The following PCDHA3 variants were observed in gnomAD, a reference collection of about 807,000 sequenced individuals.
The protein encoded by PCDHA3 is protocadherin alpha 3.
PCDHA3 carries 41 observed loss-of-function variants against 62.2 expected under a neutral mutation model. That is an observed-to-expected ratio of 0.66 (90% CI 0.51 to 0.86). The LOEUF is 0.86. PCDHA3 is among the 40% of genes least tolerant of loss of function. The probability of loss-of-function intolerance (pLI) is 0.00; values close to 1 mark genes in which losing one functional copy is unlikely to be tolerated. For missense variants in PCDHA3, 1,304 were observed against 1,241.2 expected, an observed-to-expected ratio of 1.05 and a Z score of -0.76; for synonymous variants, 640 against 555.4, an observed-to-expected ratio of 1.15 and a Z score of -2.14.
intron 1 of PCDHA3, among the ~76,000 whole-genome samples, chr5:140,897,478 G>T (rs1554187409): frequency 1.3e-5 from 2 of 151,844 alleles, no homozygotes; most frequent in African/African-American, 4.8e-5. Flanking sequence ...TGAGAATGAT[G>T]ATTTCCAATT....
chr5:140,991,019 T>G (rs1333119856), intron 3 of PCDHA3, among the ~76,000 whole-genome samples: 1 of 152,178 alleles, frequency 6.6e-6, no homozygotes, highest in Non-Finnish European at 1.5e-5. Flanking sequence ...GATAAGCACT[T>G]TACATATGTT....
At chr5:140,968,668 G>A (rs1365342675) in intron 1 of PCDHA3, 3 of 1,614,038 alleles carry the variant, frequency 1.9e-6, no homozygotes, top group African/African-American at 1.3e-5. Flanking sequence ...ACCTCTTTAA[G>A]GTAGAGCTGC....
intron 1 of PCDHA3, chr5:140,829,492 C>G (rs1770340473): frequency 1.2e-6 from 2 of 1,613,578 alleles, no homozygotes; most frequent in Non-Finnish European, 1.7e-6. Flanking sequence ...TGAAGGAGAA[C>G]AACCCGCCGG....
chr5:140,802,842 G>A lies in PCDHA3; in HGVS notation c.1645G>A (p.Val549Met), dbSNP rs782279925. ...DAGVPPLGSN[V>M]TLQVFVLDEN... ...GGGCGTGCCGCCTCTGGGCAGCAAC[G>A]TGACGCTGCAGGTGTTCGTGCTGGA... is the stretch of plus-strand genomic sequence containing the variant. Residue 549 changes from valine (V) to methionine (M), a missense_variant, in exon 1 of 4, where the codon GTG (valine) becomes ATG (methionine). Coordinates refer to ENST00000522353, the MANE Select transcript of PCDHA3 (RefSeq NM_018906.3). 1 of 1,613,724 alleles carries A rather than the reference G, an allele frequency of 6.2e-7. No individual in the cohort carries two copies. The highest frequency in any genetic ancestry group is 8.5e-7 in the Non-Finnish European group (1 of 1,179,904).
At position 140,929,318 on chromosome 5, in the gene PCDHA3, A is replaced by G. The variant is rs78197291; in HGVS notation, c.2395-49631A>G. The G allele has an allele frequency of 3.9e-4, 606 of 1,545,240 alleles. 3 individuals carry two copies. The African/African-American group carries it at 7.7e-3, about 20-fold the overall frequency. ...AGGAAAGGGGATCACGCTAATGTCA[A>G]TGCCATGGTAAGCAAATTTTATGGA... On this transcript the variant is annotated intron_variant, in intron 1 of 3. Coordinates refer to ENST00000522353, the MANE Select transcript of PCDHA3 (RefSeq NM_018906.3).
chr5:140,975,202 T>G (rs143285430), intron 1 of PCDHA3, among the ~76,000 whole-genome samples: 4 of 152,352 alleles, frequency 2.6e-5, no homozygotes, highest in African/African-American at 7.2e-5. Flanking sequence ...TCCATCTTCA[T>G]GGCTGGCACT....
intron 1 of PCDHA3, among the ~76,000 whole-genome samples, chr5:140,838,247 G>A (rs1775616810): frequency 1.3e-5 from 2 of 149,910 alleles, no homozygotes; most frequent in African/African-American, 4.9e-5. Context: ...CCAAGTAGCT[G>A]GGATTAAAGA....
In PCDHA3 at chr5:140,836,932, C is replaced by A. The variant is rs1774821723; in HGVS notation, c.2394+33341C>A. ...CACTTTTGTTTTGGGATGCGTAATA[C>A]TATAGATCAAAATCTATGGTTTATG... On this transcript the variant is annotated intron_variant, in intron 1 of 3. Coordinates refer to ENST00000522353, the MANE Select transcript of PCDHA3 (RefSeq NM_018906.3). The A allele has an allele frequency of 8.2e-6, 4 of 485,222 alleles. No homozygotes were observed. In the East Asian group the frequency reaches 1.4e-4, roughly 17 times the overall value. 30.1% of individuals were successfully genotyped at this position (485,222 alleles called of 1,614,324 possible). A position where few individuals can be genotyped will look rare whatever the true frequency, so the allele number is the denominator to read the frequency against.
At position 140,848,824 on chromosome 5, in the gene PCDHA3, T is replaced by C. The variant is rs2150421709; in HGVS notation, c.2394+45233T>C. On this transcript the variant is annotated intron_variant, in intron 1 of 3. Coordinates refer to ENST00000522353, the MANE Select transcript of PCDHA3 (RefSeq NM_018906.3). ...TGCAGCATCCACCTGGAGGTGATCG[T>C]AGACAGGCCGCTGCAGGTTTTCCAT... 7.5e-6 allele frequency: 12 copies of C among 1,590,566 alleles called. 1 individual carries two copies. In the Middle Eastern group the frequency reaches 1.4e-3, roughly 180 times the overall value.
At chr5:141,009,500 A>G (rs2098409925) in intron 3 of PCDHA3, 127 bp from the exon 4 acceptor site, 2 of 1,494,658 alleles carry the variant, frequency 1.3e-6, no homozygotes, top group Non-Finnish European at 1.8e-6. Flanking sequence ...TCAGACTTGA[A>G]CAAACAACTC....
intron 1 of PCDHA3, chr5:140,929,372 G>A: frequency 1.3e-6 from 2 of 1,514,740 alleles, no homozygotes; most frequent in Non-Finnish European, 1.8e-6. Context: ...GGAGATGGCT[G>A]CTAGCTGTGT....
rs1310141347 is a variant in PCDHA3, at chr5:140,970,963, T to C, written c.2395-7986T>C. ...TGCTGAGAAACCATGGGAGGCAGAT[T>C]GTAGATTAAGAAAAATGGGGGAATA... On this transcript the variant is annotated intron_variant, in intron 1 of 3. Coordinates refer to ENST00000522353, the MANE Select transcript of PCDHA3 (RefSeq NM_018906.3). Among the ~76,000 whole-genome samples, 41 of 152,180 alleles carry C rather than the reference T, an allele frequency of 2.7e-4. 1 individual carries two copies. Among genetic ancestry groups the C allele is most frequent in the Admixed American group, 2.7e-3 (41 of 15,274 alleles).
chr5:140,859,139 T>G (rs2045740585), intron 1 of PCDHA3: 1 of 150,214 alleles, frequency 6.7e-6, no homozygotes, highest in African/African-American at 2.4e-5. Context: ...TTACATAATT[T>G]TATCCAGTAG....
intron 1 of PCDHA3, among the ~76,000 whole-genome samples, chr5:140,903,726 A>G (rs2070539731): frequency 6.6e-6 from 1 of 152,248 alleles, no homozygotes; most frequent in South Asian, 2.1e-4. Context: ...TCTCCCTATT[A>G]TCAATTATTA....
At chr5:140,975,236 T>A (rs562846037) in intron 1 of PCDHA3, among the ~76,000 whole-genome samples, 84 of 152,334 alleles carry the variant, frequency 5.5e-4, no homozygotes, top group African/African-American at 1.9e-3. Context: ...TCACATGGAA[T>A]CCCTCTTATG....
intron 1 of PCDHA3, among the ~76,000 whole-genome samples, chr5:140,818,312 T>C (rs1195133759): frequency 6.6e-6 from 1 of 152,224 alleles, no homozygotes; most frequent in African/African-American, 2.4e-5. Flanking sequence ...TCTTTTACTT[T>C]AGGAATTTTA....
chr5:141,000,418 T>C (rs2097923101), intron 3 of PCDHA3, among the ~76,000 whole-genome samples: 1 of 83,682 alleles, frequency 1.2e-5, no homozygotes, highest in Admixed American at 1.7e-4. Flanking sequence ...TATATATATA[T>C]ATATTTTTTT....
intron 1 of PCDHA3, among the ~76,000 whole-genome samples, chr5:140,915,326 T>C (rs2077071352): frequency 6.6e-6 from 1 of 152,196 alleles, no homozygotes; most frequent in Non-Finnish European, 1.5e-5. Flanking sequence ...TACAGTGTTA[T>C]AATATTCTGT....
At chr5:140,836,551 G>A in intron 1 of PCDHA3, 1 of 1,613,756 alleles carries the variant, frequency 6.2e-7, no homozygotes, top group South Asian at 1.1e-5. Context: ...GCGTTGCGGT[G>A]CTCAGCGCCG....
Sources: allele counts gnomAD v4.1 joint callset (sites outside exome capture counted in the v4.1 genomes callset), GRCh38; gene constraint gnomAD v4.1.1; transcripts MANE v1.5; gene names NCBI Gene and HGNC (gene_info 2026-07-23, HGNC 2026-07-21).